The following ATP9A variants were observed in gnomAD, a reference collection of about 807,000 sequenced individuals.
The protein encoded by ATP9A is ATPase phospholipid transporting 9A.
ATP9A carries 52 observed loss-of-function variants against 144.1 expected under a neutral mutation model. The ratio of observed to expected loss-of-function variants is 0.36; its 90% CI spans 0.29 to 0.45. ATP9A has a LOEUF of 0.45. Ranked by LOEUF, ATP9A falls within the 20% of genes least tolerant of loss-of-function variation. The pLI, the probability that ATP9A is intolerant of heterozygous loss-of-function variation, is 1.00. For missense variants in ATP9A, 947 were observed against 1,392.7 expected (o/e 0.68, Z 5.09); for synonymous variants, 582 against 557.4 (o/e 1.04, Z -0.62).
chr20:51,676,347 T>C, intron 9 of ATP9A, 139 bp from the exon 10 acceptor site: 1 of 630,676 alleles, frequency 1.6e-6, no homozygotes, highest in Non-Finnish European at 2.6e-6. Flanking sequence ...CTGTTGCTCA[T>C]GCTGGAGTCT....
intron 1 of ATP9A, among the ~76,000 whole-genome samples, chr20:51,754,357 G>T (rs2077846866): frequency 6.6e-6 from 1 of 152,002 alleles, no homozygotes; most frequent in South Asian, 2.1e-4. Context: ...CAAAAAAGTA[G>T]CCAGGCCTGG....
In ATP9A at chr20:51,768,364, C is replaced by T. The variant is rs1228304857; in HGVS notation, c.6G>A (p.Thr2=). The T allele has an allele frequency of 2.4e-6, 3 of 1,262,156 alleles. No individual in the cohort carries two copies. Among genetic ancestry groups the T allele is most frequent in the Middle Eastern group, 2.6e-4 (1 of 3,920 alleles). 78.2% of individuals were successfully genotyped at this position (1,262,156 alleles called of 1,614,324 possible). A position where few individuals can be genotyped will look rare whatever the true frequency, so the allele number is the denominator to read the frequency against. The part of the protein sequence containing the change: M[T]DNIPLQPVRQ... ...GCACCGGCTGCAGCGGGATGTTGTC[C>T]GTCATGTCGGCGGCGCCGCCCGCCT... is the stretch of plus-strand genomic sequence containing the variant. Residue 2 remains threonine, a synonymous_variant, in exon 1 of 28, where the codon ACG becomes ACA. Coordinates refer to ENST00000338821, the MANE Select transcript of ATP9A (RefSeq NM_006045.3).
At chr20:51,749,544 G>A (rs570530619) in intron 1 of ATP9A, among the ~76,000 whole-genome samples, 5 of 152,274 alleles carry the variant, frequency 3.3e-5, no homozygotes, top group Admixed American at 2.0e-4. Flanking sequence ...GATTATAGGC[G>A]TGAGCCACTG....
At chr20:51,656,037 C>T (rs186844338) in intron 14 of ATP9A, among the ~76,000 whole-genome samples, 23 of 152,148 alleles carry the variant, frequency 1.5e-4, no homozygotes, top group African/African-American at 3.9e-4. Context: ...AAAAGGCCAC[C>T]TATTGTATGG....
intron 3 of ATP9A, among the ~76,000 whole-genome samples, chr20:51,721,920 CA>C (rs2077691413): frequency 6.6e-6 from 1 of 152,000 alleles, no homozygotes. Flanking sequence ...GGAGGTATCA[CA>C]CTACCTGATT....
chr20:51,743,503 G>A (rs1057321395), intron 1 of ATP9A, among the ~76,000 whole-genome samples: 2 of 144,094 alleles, frequency 1.4e-5, no homozygotes, highest in Non-Finnish European at 3.0e-5. Context: ...GGATTCAAGC[G>A]ATTCTACTCC....
chr20:51,638,115 ATATATATATC>A (rs2077302579), intron 15 of ATP9A, among the ~76,000 whole-genome samples: 1 of 98,316 alleles, frequency 1.0e-5, no homozygotes, highest in African/African-American at 4.3e-5. Flanking sequence ...ATATATATAT[ATATATATATC>A]TCATAGTTCC....
chr20:51,619,927 A>G (rs982927559), intron 19 of ATP9A, among the ~76,000 whole-genome samples: 12 of 151,356 alleles, frequency 7.9e-5, no homozygotes, highest in Middle Eastern at 6.9e-3. Context: ...TGGATGATGC[A>G]TTCGGTGGAT....
intron 1 of ATP9A, among the ~76,000 whole-genome samples, chr20:51,758,926 A>G (rs1231095442): frequency 6.6e-6 from 1 of 152,162 alleles, no homozygotes; most frequent in East Asian, 1.9e-4. Flanking sequence ...CTCTGTCTCA[A>G]AAAAGAAAAG....
intron 11 of ATP9A, 77 bp from the exon 12 acceptor site, chr20:51,671,334 T>C: frequency 5.3e-6 from 8 of 1,517,722 alleles, no homozygotes; most frequent in Non-Finnish European, 6.3e-6. Context: ...ACATGGACTC[T>C]AAACACATGT....
intron 13 of ATP9A, among the ~76,000 whole-genome samples, chr20:51,660,761 C>A (rs2077407322): frequency 6.6e-6 from 1 of 152,240 alleles, no homozygotes; most frequent in Non-Finnish European, 1.5e-5. Context: ...CTTCAAACAT[C>A]CTCACATTCC....
chr20:51,715,391 T>C (rs2077657708), intron 3 of ATP9A, among the ~76,000 whole-genome samples: 1 of 152,230 alleles, frequency 6.6e-6, no homozygotes, highest in African/African-American at 2.4e-5. Context: ...GAGGAGCACG[T>C]ACCCGGTGTG....
intron 4 of ATP9A, among the ~76,000 whole-genome samples, chr20:51,703,636 C>G (rs2077603420): frequency 6.6e-6 from 1 of 152,148 alleles, no homozygotes; most frequent in Non-Finnish European, 1.5e-5. Flanking sequence ...TCATGGATGA[C>G]AGCTTCAGAA....
chr20:51,608,684 G>T, intron 24 of ATP9A, 58 bp from the exon 25 acceptor site: 1 of 1,127,644 alleles, frequency 8.9e-7, no homozygotes, highest in Admixed American at 1.7e-5. Context: ...GCTATGTGCT[G>T]TGCCAGCCTC....
chr20:51,611,328 C>T lies in ATP9A; in HGVS notation c.2572-1163G>A, dbSNP rs1374080233. ...TGGCTGCGCCGGAAAAGCCACTTTT[C>T]CAGTGACTTTTCACCCAGGCTGTGC... On this transcript the variant is annotated intron_variant, in intron 23 of 27. Transcript: ENST00000338821. The surrounding 1 kb of genome is among the most constrained non-coding windows in gnomAD (Gnocchi z 4.2). 6.6e-6 allele frequency among the ~76,000 whole-genome samples: 1 copy of T among 152,196 alleles called. No homozygotes were observed. The highest frequency in any genetic ancestry group is 1.5e-5 in the Non-Finnish European group (1 of 68,034).
intron 11 of ATP9A, 56 bp from the exon 12 acceptor site, chr20:51,671,313 T>C (rs1238728580): frequency 1.9e-6 from 3 of 1,577,804 alleles, no homozygotes; most frequent in Non-Finnish European, 1.7e-6. Flanking sequence ...GCTCCTTGTA[T>C]CTTTATAAAA....
chr20:51,735,103 G>A (rs1430959053), intron 1 of ATP9A: 1 of 170,638 alleles, frequency 5.9e-6, no homozygotes, highest in Non-Finnish European at 1.3e-5. Flanking sequence ...CAGAAGGATT[G>A]GTATGACCTC....
intron 13 of ATP9A, among the ~76,000 whole-genome samples, chr20:51,666,743 G>A (rs967116091): frequency 1.3e-5 from 2 of 151,656 alleles, no homozygotes; most frequent in Non-Finnish European, 2.9e-5. Context: ...AACCCCTTAC[G>A]AAGCTCTAAG....
chr20:51,608,060 AGAATTAACATT>A (rs1198420202), intron 25 of ATP9A, among the ~76,000 whole-genome samples: 1 of 148,474 alleles, frequency 6.7e-6, no homozygotes, highest in Non-Finnish European at 1.5e-5. Context: ...AAAAAAAAAA[AGAATTAACATT>A]AAAATTAACA....
Sources: allele counts gnomAD v4.1 joint callset (sites outside exome capture counted in the v4.1 genomes callset), GRCh38; gene constraint gnomAD v4.1.1; non-coding constraint Gnocchi (gnomAD v3.1); transcripts MANE v1.5; gene names NCBI Gene and HGNC (gene_info 2026-07-23, HGNC 2026-07-21).